KAT6A: variants seen among roughly 807,000 people sequenced by gnomAD.
KAT6A encodes histone acetyltransferase KAT6A.
In KAT6A, 9 loss-of-function variants were observed where a neutral mutation model predicts 198.4. The observed-to-expected ratio is 0.05, with a 90% CI of 0.03 to 0.08. KAT6A has a LOEUF of 0.08. Ranked by LOEUF, KAT6A falls within the 10% of genes least tolerant of loss-of-function variation. KAT6A has a pLI of 1.00. For synonymous variants in KAT6A, 890 were observed against 883.0 expected (o/e 1.01, Z -0.14); for missense variants, 2,077 against 2,509.9 (o/e 0.83, Z 3.69).
intron 2 of KAT6A, among the ~76,000 whole-genome samples, chr8:42,042,081 T>A (rs1242415215): frequency 6.6e-6 from 1 of 152,200 alleles, no homozygotes; most frequent in South Asian, 2.1e-4. Context: ...TTCTAACATA[T>A]AAAATGTGCA....
At chr8:42,045,630 CA>C (rs1802209015) in intron 2 of KAT6A, among the ~76,000 whole-genome samples, 1 of 150,072 alleles carries the variant, frequency 6.7e-6, no homozygotes, top group South Asian at 2.1e-4. Flanking sequence ...ATTTCTTTTT[CA>C]TTTTTTCAAT....
chr8:41,985,629 C>A (rs559509828), intron 3 of KAT6A, among the ~76,000 whole-genome samples: 1 of 152,148 alleles, frequency 6.6e-6, no homozygotes, highest in African/African-American at 2.4e-5. Context: ...GCAGTGGACT[C>A]CCCCCTGCTT....
chr8:41,947,972 T>C (rs772700875), intron 10 of KAT6A, 60 bp from the exon 11 acceptor site: 7 of 1,348,396 alleles, frequency 5.2e-6, no homozygotes, highest in Non-Finnish European at 6.1e-6. Flanking sequence ...TAGAATAATA[T>C]GTATCAGTTA....
chr8:42,046,850 T>C (rs1401626798), intron 2 of KAT6A, among the ~76,000 whole-genome samples: 4 of 152,224 alleles, frequency 2.6e-5, no homozygotes, highest in Non-Finnish European at 5.9e-5. Flanking sequence ...TGAGATTCTC[T>C]ATCAATTCAT....
intron 2 of KAT6A, among the ~76,000 whole-genome samples, chr8:42,014,161 G>A (rs1228616552): frequency 6.6e-6 from 1 of 152,024 alleles, no homozygotes; most frequent in Non-Finnish European, 1.5e-5. Context: ...TAAAGAGGTG[G>A]GGGCCATAAT....
chr8:42,051,510 G>C (rs1163834299), intron 1 of KAT6A, among the ~76,000 whole-genome samples: 1 of 145,924 alleles, frequency 6.9e-6, no homozygotes, highest in African/African-American at 2.5e-5. Flanking sequence ...CCCCGAGGGA[G>C]AGCGGGCTCG....
At chr8:41,936,895 A>C (rs1453427575) in intron 16 of KAT6A, among the ~76,000 whole-genome samples, 6 of 152,228 alleles carry the variant, frequency 3.9e-5, no homozygotes, top group Non-Finnish European at 8.8e-5. Flanking sequence ...AAACAGACTA[A>C]GTCTAGAGAA....
chr8:41,977,351 GGTAA>G, intron 6 of KAT6A, 24 bp from the exon 7 acceptor site: 1 of 1,559,338 alleles, frequency 6.4e-7, no homozygotes. Context: ...CAGGGGAAAG[GGTAA>G]GTATTAAAAA....
At chr8:42,040,411 G>C (rs903209688) in intron 2 of KAT6A, among the ~76,000 whole-genome samples, 2 of 152,026 alleles carry the variant, frequency 1.3e-5, no homozygotes, top group African/African-American at 4.8e-5. Flanking sequence ...GTACTTATTC[G>C]CTAGAAAAAT....
rs377402362 is a variant in KAT6A, at chr8:41,972,849, GA to G, written c.1482+1854del. On this transcript the variant is annotated intron_variant, in intron 8 of 16. Transcript: ENST00000265713. ...TATGTCTGCAACTTACTCGGGAGGA[GA>G]AAAAAAAATTCTTTCAGTCAGGAAG... is the stretch of plus-strand genomic sequence containing the variant. Among the ~76,000 whole-genome samples the G allele has an allele frequency of 9.2e-4, 139 of 151,742 alleles. 1 individual carries two copies. The highest frequency in any genetic ancestry group is 3.1e-3 in the African/African-American group (129 of 41,404).
chr8:41,984,980 C>CAA (rs1319003756), intron 3 of KAT6A, among the ~76,000 whole-genome samples: 13 of 93,484 alleles, frequency 1.4e-4, no homozygotes, highest in South Asian at 3.5e-4. Flanking sequence ...GAGACTGTCT[C>CAA]AAAAAAAAAA....
chr8:41,989,561 G>GTAACA (rs1022067516), intron 2 of KAT6A, among the ~76,000 whole-genome samples: 3 of 151,762 alleles, frequency 2.0e-5, no homozygotes, highest in Non-Finnish European at 4.4e-5. Flanking sequence ...GTGACGTGAC[G>GTAACA]TAACATAACA....
chr8:42,049,026 CTGAG>C lies in KAT6A; in HGVS notation c.-53_-50del. 1 of 1,553,940 alleles carries C rather than the reference CTGAG, an allele frequency of 6.4e-7. No individual in the cohort carries two copies. The highest frequency in any genetic ancestry group is 8.7e-7 in the Non-Finnish European group (1 of 1,153,906). On this transcript the variant is annotated 5_prime_UTR_variant, in exon 2 of 17. An upstream open reading frame in the 5' UTR loses its in-frame stop. Coordinates refer to ENST00000265713, the MANE Select transcript of KAT6A (RefSeq NM_006766.5). ...AGAGTCGTTATCCCTTATCCTGATG[CTGAG>C]TAAGTTTTACACCATGGAAAACAAG...
chr8:42,039,882 C>T (rs985893594), intron 2 of KAT6A, among the ~76,000 whole-genome samples: 2 of 150,234 alleles, frequency 1.3e-5, no homozygotes, highest in African/African-American at 5.0e-5. Flanking sequence ...TACAGGCGCC[C>T]ACCACAATGC....
chr8:41,996,618 G>A (rs1383738670), intron 2 of KAT6A, among the ~76,000 whole-genome samples: 1 of 152,174 alleles, frequency 6.6e-6, no homozygotes, highest in Non-Finnish European at 1.5e-5. Context: ...TATCAGGGGA[G>A]TGGGCTAGTT....
chr8:41,978,631 G>A lies in KAT6A; in HGVS notation c.1043+11C>T, dbSNP rs2150887480. 6.2e-7 allele frequency: 1 copy of A among 1,613,614 alleles called. No individual in the cohort carries two copies. The highest frequency in any genetic ancestry group is 8.5e-7 in the Non-Finnish European group (1 of 1,179,708). ...CTTTTCTCCCCTCACCTTGCCACAA[G>A]TACAACTTACACCGTGTTTTGTTTC... is the stretch of plus-strand genomic sequence containing the variant. On this transcript the variant is annotated intron_variant, in intron 6 of 16. Coordinates refer to ENST00000265713, the MANE Select transcript of KAT6A (RefSeq NM_006766.5).
At chr8:42,031,235 A>T (rs1309223704) in intron 2 of KAT6A, among the ~76,000 whole-genome samples, 1 of 152,212 alleles carries the variant, frequency 6.6e-6, no homozygotes, top group African/African-American at 2.4e-5. Context: ...CACAGTGATG[A>T]ATACATTACC....
intron 2 of KAT6A, among the ~76,000 whole-genome samples, chr8:42,018,496 G>T (rs1826373633): frequency 6.6e-6 from 1 of 152,120 alleles, no homozygotes; most frequent in African/African-American, 2.4e-5. Flanking sequence ...TGGGCAACAA[G>T]AGCAAAACTA....
rs562733873 is a variant in KAT6A at position 42,009,905 on chromosome 8, A to C, written c.601-22342T>G. Among the ~76,000 whole-genome samples the C allele has an allele frequency of 1.0e-3, 148 of 142,068 alleles. 3 individuals carry two copies. The highest frequency in any genetic ancestry group is 5.7e-3 in the East Asian group (29 of 5,088). 93.2% of individuals were successfully genotyped at this position (142,068 alleles called of 152,430 possible). A position where few individuals can be genotyped will look rare whatever the true frequency, so the allele number is the denominator to read the frequency against. ...ACAAAGCCCTGTCTCAAAAAAAAAA[A>C]AAAAAAAAACAAAAAAAAACAAAAC... is the stretch of plus-strand genomic sequence containing the variant. On this transcript the variant is annotated intron_variant, in intron 2 of 16. Transcript: ENST00000265713.
Sources: allele counts gnomAD v4.1 joint callset (sites outside exome capture counted in the v4.1 genomes callset), GRCh38; gene constraint gnomAD v4.1.1; transcripts MANE v1.5; gene names NCBI Gene and HGNC (gene_info 2026-07-23, HGNC 2026-07-21).